ADCY3: variants seen among roughly 807,000 people sequenced by gnomAD.
ADCY3 encodes adenylate cyclase 3, also known as adenylate cyclase type 3.
In ADCY3, 70 loss-of-function variants were observed where a neutral mutation model predicts 119.4. The ratio of observed to expected loss-of-function variants is 0.59; its 90% CI spans 0.48 to 0.72. The LOEUF (loss-of-function observed/expected upper bound fraction) is 0.72. ADCY3 is among the 30% of genes least tolerant of loss of function. The pLI is 0.00. For missense variants in ADCY3, 1,238 were observed against 1,541.6 expected (o/e 0.80, Z 3.30); for synonymous variants, 672 against 621.4 (o/e 1.08, Z -1.21).
chr2:24,829,623 T>C lies in ADCY3; in HGVS notation c.2172+1086A>G, dbSNP rs1035250778. On this transcript the variant is annotated intron_variant, in intron 13 of 21. Transcript: ENST00000679454. ...TTTTTAGTAGAGACGGGGTTTCAAC[T>C]GTGTTAGCCAGGATGATTTCGATCT... Among the ~76,000 whole-genome samples the C allele has an allele frequency of 2.8e-3, 424 of 150,962 alleles. 2 individuals are homozygous for C. Among genetic ancestry groups the C allele is most frequent in the Non-Finnish European group, 4.1e-3 (280 of 67,906 alleles).
intron 3 of ADCY3, among the ~76,000 whole-genome samples, chr2:24,861,017 A>G (rs1289230284): frequency 2.6e-5 from 4 of 152,208 alleles, no homozygotes. Flanking sequence ...TTGGGAGGCC[A>G]AGGCAGGCAG....
chr2:24,824,311 T>C (rs1668283047), intron 17 of ADCY3, 67 bp downstream of exon 17: 1 of 1,578,934 alleles, frequency 6.3e-7, no homozygotes. Flanking sequence ...CAGCGGGGGC[T>C]GCCTGAAAGA....
chr2:24,841,544 C>G lies in ADCY3; in HGVS notation c.1068+12G>C. On this transcript the variant is annotated intron_variant, in intron 5 of 21. Coordinates refer to ENST00000679454, the MANE Select transcript of ADCY3 (RefSeq NM_004036.5). This position sits in a 1 kb window ranked among gnomAD's most constrained non-coding sequence, Gnocchi z 5.8. ...GGCCCCGCTGGAGAGCCAGGCGGGGCCAGGGACTTACAGCTGCCAGCTTGT... is the reference window on the plus strand; with the variant it reads ...GGCCCCGCTGGAGAGCCAGGCGGGGGCAGGGACTTACAGCTGCCAGCTTGT... 1 of 1,610,830 alleles carries G rather than the reference C, an allele frequency of 6.2e-7. No homozygotes were observed. Among genetic ancestry groups the G allele is most frequent in the Non-Finnish European group, 8.5e-7 (1 of 1,178,872 alleles).
intron 2 of ADCY3, among the ~76,000 whole-genome samples, chr2:24,904,967 G>A (rs1470660545): frequency 2.6e-5 from 4 of 151,838 alleles, no homozygotes; most frequent in South Asian, 2.1e-4. Flanking sequence ...CCTCCTATGC[G>A]CCATTCCTCT....
At chr2:24,830,079 C>CTATT (rs57908703) in intron 13 of ADCY3, among the ~76,000 whole-genome samples, 1 of 146,768 alleles carries the variant, frequency 6.8e-6, no homozygotes, top group Non-Finnish European at 1.5e-5. Context: ...GTCTTGCTGT[C>CTATT]GCCTAGGCTG....
At chr2:24,890,567 G>A (rs893029164) in intron 2 of ADCY3, among the ~76,000 whole-genome samples, 2 of 152,134 alleles carry the variant, frequency 1.3e-5, no homozygotes, top group African/African-American at 4.8e-5. Flanking sequence ...TGTCTAAGTC[G>A]TTCAATGTAT....
chr2:24,911,732 G>C (rs1246570700), intron 2 of ADCY3, among the ~76,000 whole-genome samples: 1 of 150,234 alleles, frequency 6.7e-6, no homozygotes, highest in Non-Finnish European at 1.5e-5. Context: ...GTGTGTGTAT[G>C]AAGATGGGGT....
chr2:24,827,852 C>G (rs146269706), intron 14 of ADCY3, 50 bp downstream of exon 14: 1 of 1,604,922 alleles, frequency 6.2e-7, no homozygotes. Context: ...GAGGACTTTG[C>G]GGGCGGGAGG....
chr2:24,823,066 G>A, intron 18 of ADCY3, 143 bp downstream of exon 18: 3 of 1,079,184 alleles, frequency 2.8e-6, no homozygotes, highest in Non-Finnish European at 3.9e-6. Flanking sequence ...GCAGTTCCAG[G>A]TGGCTGCAGA....
intron 13 of ADCY3, 64 bp from the exon 14 acceptor site, chr2:24,828,225 G>A: frequency 1.9e-6 from 3 of 1,586,932 alleles, no homozygotes; most frequent in Non-Finnish European, 2.6e-6. Context: ...GGTCACAGAG[G>A]GCTGTGCATG....
chr2:24,822,316 T>C (rs931311768), intron 19 of ADCY3, 195 bp downstream of exon 19: 1 of 711,124 alleles, frequency 1.4e-6, no homozygotes, highest in Non-Finnish European at 2.3e-6. Flanking sequence ...CAGGGGGTTG[T>C]GTGTCTGTTC....
chr2:24,831,950 CAG>C (rs541747297), intron 11 of ADCY3, among the ~76,000 whole-genome samples: 144 of 99,896 alleles, frequency 1.4e-3, no homozygotes, highest in African/African-American at 2.6e-3. Flanking sequence ...GGACAGCAGA[CAG>C]GGGCAGGGGC....
intron 3 of ADCY3, among the ~76,000 whole-genome samples, chr2:24,870,940 C>T (rs760238041): frequency 1.3e-5 from 2 of 152,144 alleles, no homozygotes; most frequent in African/African-American, 4.8e-5. Flanking sequence ...ATTATCTACA[C>T]GAGAACAGCC....
chr2:24,854,525 T>C (rs1672776019), intron 3 of ADCY3, among the ~76,000 whole-genome samples: 1 of 152,220 alleles, frequency 6.6e-6, no homozygotes, highest in Admixed American at 6.5e-5. Flanking sequence ...ATACAGAGGA[T>C]GTATTTAGAA....
At chr2:24,852,754 A>C (rs1358989430) in intron 3 of ADCY3, among the ~76,000 whole-genome samples, 2 of 152,218 alleles carry the variant, frequency 1.3e-5, no homozygotes, top group Non-Finnish European at 2.9e-5. Flanking sequence ...CGCCCGCGGA[A>C]ACTTGGGTTG....
chr2:24,890,807 A>G (rs1315136201), intron 2 of ADCY3, among the ~76,000 whole-genome samples: 1 of 151,464 alleles, frequency 6.6e-6, no homozygotes, highest in Non-Finnish European at 1.5e-5. Flanking sequence ...CTCTGGATCT[A>G]GTTTTTCTAC....
At chr2:24,887,967 T>C (rs1677259631) in intron 2 of ADCY3, among the ~76,000 whole-genome samples, 1 of 152,198 alleles carries the variant, frequency 6.6e-6, no homozygotes, top group African/African-American at 2.4e-5. Flanking sequence ...ATTCTCCAGC[T>C]TTCTGAGTCT....
At chr2:24,875,996 G>GT (rs56304372) in intron 2 of ADCY3, among the ~76,000 whole-genome samples, 1 of 151,306 alleles carries the variant, frequency 6.6e-6, no homozygotes, top group Non-Finnish European at 1.5e-5. Context: ...TGGGAGGGGG[G>GT]CGGTGGTGCA....
intron 2 of ADCY3, among the ~76,000 whole-genome samples, chr2:24,901,006 A>G (rs1400237026): frequency 6.6e-6 from 1 of 152,200 alleles, no homozygotes; most frequent in African/African-American, 2.4e-5. Flanking sequence ...CAGAGGTTGC[A>G]GTGAGCCGAG....
Sources: gnomAD v4.1 joint callset for allele counts (sites outside exome capture counted in the v4.1 genomes callset) on GRCh38, gnomAD v4.1.1 for gene constraint, Gnocchi (gnomAD v3.1) non-coding constraint, MANE v1.5 for transcripts, NCBI Gene and HGNC (gene_info 2026-07-23, HGNC 2026-07-21) for gene names.